Variants in TBC1D2 observed in about 807,000 individuals in gnomAD.
TBC1D2 encodes the protein TBC1 domain family member 2A.
TBC1D2 carries 58 observed loss-of-function variants against 91.1 expected under a neutral mutation model. That is an observed-to-expected ratio of 0.64 (90% CI 0.52 to 0.79). TBC1D2 has a LOEUF of 0.79. Ranked by LOEUF, TBC1D2 falls within the 30% of genes least tolerant of loss-of-function variation. The probability of loss-of-function intolerance (pLI) is 0.00; values close to 1 mark genes in which losing one functional copy is unlikely to be tolerated. For missense variants in TBC1D2, 1,080 were observed against 1,208.3 expected, an observed-to-expected ratio of 0.89 and a Z score of 1.57; for synonymous variants, 482 against 511.5, an observed-to-expected ratio of 0.94 and a Z score of 0.78.
chr9:98,238,111 C>T (rs542643206), intron 3 of TBC1D2, among the ~76,000 whole-genome samples: 30 of 135,476 alleles, frequency 2.2e-4, no homozygotes, highest in Middle Eastern at 6.7e-3. Context: ...ACCATGTTAG[C>T]TAGGCTGGTC....
intron 4 of TBC1D2, among the ~76,000 whole-genome samples, chr9:98,232,467 G>A (rs1008829384): frequency 6.6e-6 from 1 of 151,330 alleles, no homozygotes; most frequent in African/African-American, 2.4e-5. Flanking sequence ...CTACAGGCTT[G>A]CACCATGATC....
rs1829278286 is a variant in TBC1D2 at position 98,228,088 on chromosome 9, T to G, written c.978+864A>C. ...AGAAAGGGCCTCCGGGCAGCCAAAG[T>G]TCAAACACAAAAGCTTAGGCCTTCC... On this transcript the variant is annotated intron_variant, in intron 5 of 12. Coordinates refer to ENST00000465784, the MANE Select transcript of TBC1D2 (RefSeq NM_001267571.2). This position sits in a 1 kb window ranked among gnomAD's most constrained non-coding sequence, Gnocchi z 4.0. 6.6e-6 allele frequency among the ~76,000 whole-genome samples: 1 copy of G among 152,110 alleles called. No homozygotes were observed. Among genetic ancestry groups the G allele is most frequent in the African/African-American group, 2.4e-5 (1 of 41,418 alleles).
In TBC1D2 at chr9:98,243,990, T is replaced by C. The variant is rs1169721853; in HGVS notation, c.647+4A>G. The C allele has an allele frequency of 6.2e-7, 1 of 1,601,014 alleles. No homozygotes were observed. The highest frequency in any genetic ancestry group is 8.5e-7 in the Non-Finnish European group (1 of 1,173,974). On this transcript the variant is annotated splice_donor_region_variant and intron_variant, in intron 3 of 12. Transcript: ENST00000465784. ...GCTAGCCCCTCAGCTCCACTGGCAC[T>C]TACTGTATTTCAGTCCCCAGGTGCT...
chr9:98,234,008 C>G (rs567926952), intron 3 of TBC1D2, among the ~76,000 whole-genome samples: 1 of 152,324 alleles, frequency 6.6e-6, no homozygotes, highest in South Asian at 2.1e-4. Flanking sequence ...CAAAAACCAT[C>G]AGTGGCTCCC....
intron 5 of TBC1D2, among the ~76,000 whole-genome samples, chr9:98,224,283 T>C (rs1448867215): frequency 7.1e-6 from 1 of 141,568 alleles, no homozygotes; most frequent in Non-Finnish European, 1.5e-5. Flanking sequence ...TTCTTTTCTT[T>C]TTTTTTTTTT....
chr9:98,228,012 G>A lies in TBC1D2; in HGVS notation c.978+940C>T, dbSNP rs79365049. ...ATATTCAGAAGGTAATAGGGCATAA[G>A]CCCCACCTCCCCAGCCTAAGTCCTC... On this transcript the variant is annotated intron_variant, in intron 5 of 12. Transcript: ENST00000465784. The surrounding 1 kb of genome is among the most constrained non-coding windows in gnomAD (Gnocchi z 4.0). Among the ~76,000 whole-genome samples the A allele has an allele frequency of 0.017, 2,617 of 152,272 alleles. 72 individuals are homozygous for A. The highest frequency in any genetic ancestry group is 0.06 in the African/African-American group (2,489 of 41,530).
At chr9:98,233,360 T>G in intron 4 of TBC1D2, 56 bp downstream of exon 4, 1 of 1,560,460 alleles carries the variant, frequency 6.4e-7, no homozygotes, top group Non-Finnish European at 8.6e-7. Context: ...AAGGCACTTG[T>G]GCCAGCCGTG....
intron 7 of TBC1D2, 103 bp from the exon 8 acceptor site, chr9:98,210,946 A>C: frequency 1.2e-5 from 13 of 1,078,162 alleles, no homozygotes; most frequent in Non-Finnish European, 1.7e-5. Context: ...TCCAGCTCTC[A>C]TCTGCCCCAC....
chr9:98,212,162 C>T (rs926203565), intron 7 of TBC1D2, among the ~76,000 whole-genome samples: 3 of 152,140 alleles, frequency 2.0e-5, no homozygotes, highest in Admixed American at 1.3e-4. Context: ...CCTTCTCAAG[C>T]CCACCCTCCT....
chr9:98,241,342 A>G (rs778054646), intron 3 of TBC1D2, among the ~76,000 whole-genome samples: 3 of 152,186 alleles, frequency 2.0e-5, no homozygotes, highest in Non-Finnish European at 4.4e-5. Context: ...CACCCAACAC[A>G]GTGCTCAGGA....
intron 10 of TBC1D2, among the ~76,000 whole-genome samples, chr9:98,201,960 C>T (rs1478315749): frequency 6.6e-6 from 1 of 152,158 alleles, no homozygotes; most frequent in Non-Finnish European, 1.5e-5. Context: ...CCATCTGAAT[C>T]CCTTGAGCCA....
intron 7 of TBC1D2, among the ~76,000 whole-genome samples, chr9:98,212,695 G>A (rs1368785392): frequency 6.6e-6 from 1 of 152,026 alleles, no homozygotes; most frequent in Non-Finnish European, 1.5e-5. Context: ...TAGTAGAGAT[G>A]GGGTTTCACC....
intron 9 of TBC1D2, among the ~76,000 whole-genome samples, chr9:98,208,420 G>C (rs1440068082): frequency 1.3e-5 from 2 of 152,188 alleles, no homozygotes; most frequent in Non-Finnish European, 2.9e-5. Context: ...ATTCTCATAA[G>C]GAACACATAA....
At position 98,238,612 on chromosome 9, in the gene TBC1D2, C is replaced by G. The variant is rs1185899674; in HGVS notation, c.648-5063G>C. Among the ~76,000 whole-genome samples the G allele has an allele frequency of 4.4e-5, 6 of 137,312 alleles. 1 individual carries two copies. Among genetic ancestry groups the G allele is most frequent in the Non-Finnish European group, 8.9e-5 (6 of 67,686 alleles). The allele number at this position is 137,312 out of a possible 152,430, so 90.1% of individuals were successfully genotyped here. A position where few individuals can be genotyped will look rare whatever the true frequency, so the allele number is the denominator to read the frequency against. On this transcript the variant is annotated intron_variant, in intron 3 of 12. Transcript: ENST00000465784. ...ATTGGCCTGGCTAAAGCCTCCAGAA[C>G]AATGTTGAATATTCCTGATTTTAAG...
At position 98,233,502 on chromosome 9, in the gene TBC1D2, C is replaced by T. The variant is rs372043060; in HGVS notation, c.695G>A (p.Gly232Asp). 1.1e-5 allele frequency: 17 copies of T among 1,614,058 alleles called. No homozygotes were observed. In the African/African-American group the frequency reaches 2.0e-4, roughly 19 times the overall value. The change falls in exon 4 of 13, where the codon GGC becomes GAC. Residue 232 changes from glycine (G) to aspartate (D), a missense_variant. Coordinates refer to ENST00000465784, the MANE Select transcript of TBC1D2 (RefSeq NM_001267571.2). ...IRGNKQAQGT[G>D]HEPPGEDSPQ... Reference sequence around the variant, plus strand: ...AGAATCTTCCCCTGGAGGTTCATGGCCTGTTCCCTGGGCCTGCTTGTTGCC... The same window carrying T: ...AGAATCTTCCCCTGGAGGTTCATGGTCTGTTCCCTGGGCCTGCTTGTTGCC...
At chr9:98,219,978 G>A (rs540261590) in intron 6 of TBC1D2, among the ~76,000 whole-genome samples, 74 of 152,282 alleles carry the variant, frequency 4.9e-4, no homozygotes, top group South Asian at 1.0e-3. Context: ...AGGAGGCTGC[G>A]GGTCACGGCA....
At chr9:98,201,828 C>G (rs1387910565) in intron 10 of TBC1D2, among the ~76,000 whole-genome samples, 164 bp from the exon 11 acceptor site, 1 of 152,198 alleles carries the variant, frequency 6.6e-6, no homozygotes, top group African/African-American at 2.4e-5. Flanking sequence ...GCCAGTCTAG[C>G]TGGGAGTCAG....
At chr9:98,253,053 G>A (rs1454391689) in intron 1 of TBC1D2, among the ~76,000 whole-genome samples, 1 of 152,148 alleles carries the variant, frequency 6.6e-6, no homozygotes, top group Non-Finnish European at 1.5e-5. Flanking sequence ...TAATGCTGAT[G>A]AGCTCCAGCC....
At position 98,201,514 on chromosome 9, in the gene TBC1D2, G is replaced by A. The variant is rs758873348; in HGVS notation, c.2422C>T (p.Arg808Trp). ...ADSLISNILL[R>W]VWDAFLYEGT... ...TCGTACAGGAAGGCATCCCAGACCC[G>A]AAGGAGGATGTTGCTAATGAGACTG... The change falls in exon 11 of 13, where the codon CGG (arginine) becomes TGG (tryptophan). Residue 808 changes from arginine to tryptophan, a missense_variant. Physicochemically the swap from Arg to Trp is moderately radical, Grantham distance 101. Transcript: ENST00000465784. The A allele has an allele frequency of 3.1e-6, 5 of 1,614,136 alleles. No homozygotes were observed. The highest frequency in any genetic ancestry group is 3.4e-6 in the Non-Finnish European group (4 of 1,180,012).
Sources: allele counts gnomAD v4.1 joint callset (sites outside exome capture counted in the v4.1 genomes callset), GRCh38; gene constraint gnomAD v4.1.1; non-coding constraint Gnocchi (gnomAD v3.1); transcripts MANE v1.5; gene names NCBI Gene and HGNC (gene_info 2026-07-23, HGNC 2026-07-21).